COL11A1: variants seen among roughly 807,000 people sequenced by gnomAD.
COL11A1 encodes the protein collagen alpha-1(XI) chain.
COL11A1 carries 74 observed loss-of-function variants against 265.2 expected under a neutral mutation model. That is an observed-to-expected ratio of 0.28 (90% CI 0.23 to 0.34). The LOEUF (loss-of-function observed/expected upper bound fraction) is 0.34. Among genes scored for constraint, COL11A1 ranks in the 10% least tolerant of loss-of-function variants. COL11A1 has a pLI of 1.00. For synonymous variants in COL11A1, 816 were observed against 727.6 expected (o/e 1.12, Z -1.96); for missense variants, 2,165 against 2,263.6 (o/e 0.96, Z 0.88).
At chr1:102,991,296 C>G (rs1664103277) in intron 28 of COL11A1, among the ~76,000 whole-genome samples, 1 of 151,968 alleles carries the variant, frequency 6.6e-6, no homozygotes, top group Admixed American at 6.6e-5. Context: ...GAAAACAAAG[C>G]TAGGAAGGAT....
In COL11A1 at chr1:103,049,086, G is replaced by T. The variant is rs541364400; in HGVS notation, c.652-17842C>A. ...AGAATGTATATGCTGTTGATTTGGG[G>T]TGGAGAGTTCTGCAGATGTCTATTA... On this transcript the variant is annotated intron_variant, in intron 4 of 66. Coordinates refer to ENST00000370096, the MANE Select transcript of COL11A1 (RefSeq NM_001854.4). Among the ~76,000 whole-genome samples the T allele has an allele frequency of 8.5e-4, 130 of 152,276 alleles. 1 individual carries two copies. The highest frequency in any genetic ancestry group is 3.8e-3 in the Admixed American group (58 of 15,286).
chr1:102,984,631 C>T (rs1217849617), intron 30 of COL11A1, among the ~76,000 whole-genome samples: 1 of 151,994 alleles, frequency 6.6e-6, no homozygotes, highest in East Asian at 1.9e-4. Context: ...TCATTTACCC[C>T]AGTCTAAATA....
At chr1:103,057,454 G>A (rs1670333207) in intron 4 of COL11A1, among the ~76,000 whole-genome samples, 1 of 152,074 alleles carries the variant, frequency 6.6e-6, no homozygotes, top group Admixed American at 6.6e-5. Context: ...CTCCTCCTAT[G>A]AATCACAAAT....
chr1:102,895,579 C>A (rs1302214316), intron 57 of COL11A1, among the ~76,000 whole-genome samples: 1 of 151,940 alleles, frequency 6.6e-6, no homozygotes, highest in East Asian at 1.9e-4. Flanking sequence ...GGAAAAAATT[C>A]ATCATGGAGA....
intron 31 of COL11A1, among the ~76,000 whole-genome samples, chr1:102,983,119 A>G (rs1343543734): frequency 1.3e-5 from 2 of 152,126 alleles, no homozygotes; most frequent in East Asian, 3.8e-4. Context: ...CATCAAGTGC[A>G]TTCACTTAAC....
At chr1:102,885,545 T>C (rs1650860601) in intron 63 of COL11A1, among the ~76,000 whole-genome samples, 1 of 152,158 alleles carries the variant, frequency 6.6e-6, no homozygotes, top group African/African-American at 2.4e-5. Context: ...AACTTTAATA[T>C]CTTTAACAAA....
At chr1:103,061,653 AT>A (rs1194737903) in intron 4 of COL11A1, among the ~76,000 whole-genome samples, 21 of 152,064 alleles carry the variant, frequency 1.4e-4, no homozygotes, top group Non-Finnish European at 2.7e-4. Flanking sequence ...CTCAGGAATA[AT>A]TTAAAAATAT....
intron 4 of COL11A1, among the ~76,000 whole-genome samples, chr1:103,053,188 C>G (rs1392761201): frequency 6.6e-6 from 1 of 152,150 alleles, no homozygotes; most frequent in African/African-American, 2.4e-5. Context: ...CAAGTAGCAT[C>G]CTATATAAAC....
chr1:102,903,388 A>G (rs1653482357), intron 54 of COL11A1, among the ~76,000 whole-genome samples: 1 of 152,302 alleles, frequency 6.6e-6, no homozygotes, highest in Non-Finnish European at 1.5e-5. Context: ...ACAGAAAAAA[A>G]GTGGTAATAC....
intron 41 of COL11A1, among the ~76,000 whole-genome samples, chr1:102,957,638 G>A (rs1660503747): frequency 6.6e-6 from 1 of 152,024 alleles, no homozygotes. Context: ...TAGAGAATAT[G>A]TAGTAATATT....
At chr1:103,024,688 T>C (rs1000382393) in intron 7 of COL11A1, among the ~76,000 whole-genome samples, 1 of 152,150 alleles carries the variant, frequency 6.6e-6, no homozygotes, top group Non-Finnish European at 1.5e-5. Context: ...ATTAATTTCA[T>C]CTAAAAGAAA....
chr1:102,878,310 T>C (rs1205961095), intron 66 of COL11A1, 145 bp from the exon 67 acceptor site: 1 of 656,814 alleles, frequency 1.5e-6, no homozygotes, highest in Non-Finnish European at 2.5e-6. Flanking sequence ...TATGTAATAA[T>C]TCTTATCACT....
At chr1:102,995,403 A>G (rs1474355144) in intron 28 of COL11A1, among the ~76,000 whole-genome samples, 3 of 152,084 alleles carry the variant, frequency 2.0e-5, no homozygotes, top group Non-Finnish European at 4.4e-5. Flanking sequence ...TACTATATAG[A>G]AAGACTTCCT....
chr1:103,090,941 C>T (rs949742501), intron 1 of COL11A1, among the ~76,000 whole-genome samples: 2 of 152,200 alleles, frequency 1.3e-5, no homozygotes, highest in African/African-American at 4.8e-5. Flanking sequence ...GCAATCTCTT[C>T]AGCATGTTCA....
intron 28 of COL11A1, among the ~76,000 whole-genome samples, chr1:102,994,291 TG>T (rs1226012259): frequency 6.6e-6 from 1 of 152,088 alleles, no homozygotes; most frequent in South Asian, 2.1e-4. Flanking sequence ...TGGGACCTGG[TG>T]GGGGGTGATA....
At chr1:102,980,480 G>A (rs1421735309) in intron 31 of COL11A1, among the ~76,000 whole-genome samples, 4 of 152,044 alleles carry the variant, frequency 2.6e-5, no homozygotes, top group South Asian at 2.1e-4. Context: ...TGTTAATTAT[G>A]AGACCCTGAA....
chr1:102,951,896 C>T lies in COL11A1; in HGVS notation c.3169-4940G>A, dbSNP rs184988543. Among the ~76,000 whole-genome samples the T allele has an allele frequency of 7.2e-5, 11 of 152,056 alleles. No homozygotes were observed. In the East Asian group the frequency reaches 1.7e-3, roughly 24 times the overall value. On this transcript the variant is annotated intron_variant, in intron 41 of 66. Transcript: ENST00000370096. Reference sequence around the variant, plus strand: ...TCAAAATGAAAGAAAATAAATATTACCTTAACTGGATGCATTATGATTGAC... The same window carrying T: ...TCAAAATGAAAGAAAATAAATATTATCTTAACTGGATGCATTATGATTGAC...
At chr1:102,893,850 C>G (rs1395848014) in intron 57 of COL11A1, among the ~76,000 whole-genome samples, 1 of 151,914 alleles carries the variant, frequency 6.6e-6, no homozygotes, top group African/African-American at 2.4e-5. Context: ...GGAATGCTAC[C>G]CATATCACCC....
chr1:102,920,116 A>C (rs1655804276), intron 49 of COL11A1, among the ~76,000 whole-genome samples, 195 bp downstream of exon 49: 1 of 152,142 alleles, frequency 6.6e-6, no homozygotes, highest in South Asian at 2.1e-4. Flanking sequence ...CATTCAATAT[A>C]ATAATTGGCA....
Sources: gnomAD v4.1 joint callset for allele counts (sites outside exome capture counted in the v4.1 genomes callset) on GRCh38, gnomAD v4.1.1 for gene constraint, MANE v1.5 for transcripts, NCBI Gene and HGNC (gene_info 2026-07-23, HGNC 2026-07-21) for gene names.